Variants in TENM4 observed in about 807,000 individuals in gnomAD.
TENM4 encodes teneurin transmembrane protein 4.
A neutral mutation model predicts 243.3 loss-of-function variants in TENM4; 82 were observed. That is an observed-to-expected ratio of 0.34 (90% CI 0.28 to 0.40). The LOEUF (loss-of-function observed/expected upper bound fraction) is 0.40, where lower values mean the gene tolerates loss of function less well. Ranked by LOEUF, TENM4 falls within the 10% of genes least tolerant of loss-of-function variation. TENM4 has a pLI of 1.00. For synonymous variants in TENM4, 1,412 were observed against 1,456.3 expected, an observed-to-expected ratio of 0.97 and a Z score of 0.69; for missense variants, 3,138 against 3,673.3, an observed-to-expected ratio of 0.85 and a Z score of 3.77.
chr11:79,147,235 A>G (rs982807148), intron 4 of TENM4, among the ~76,000 whole-genome samples: 1 of 152,050 alleles, frequency 6.6e-6, no homozygotes, highest in African/African-American at 2.4e-5. Flanking sequence ...CTCTCATCCA[A>G]CACTCACCAC....
intron 1 of TENM4, among the ~76,000 whole-genome samples, chr11:79,373,148 A>G (rs1019092822): frequency 2.6e-5 from 4 of 152,266 alleles, no homozygotes; most frequent in African/African-American, 9.6e-5. Context: ...ATACAACAGT[A>G]TCTGATAAAC....
At chr11:79,072,214 G>A (rs1475374861) in intron 4 of TENM4, among the ~76,000 whole-genome samples, 1 of 152,136 alleles carries the variant, frequency 6.6e-6, no homozygotes, top group Non-Finnish European at 1.5e-5. Flanking sequence ...GCCAGGCATG[G>A]GGTGGCTCAC....
chr11:78,683,306 C>T lies in TENM4; in HGVS notation c.5260+4748G>A, dbSNP rs1395207298. On this transcript the variant is annotated intron_variant, in intron 29 of 33. Coordinates refer to ENST00000278550, the MANE Select transcript of TENM4 (RefSeq NM_001098816.3). ...CTCCTTGAGCTGTGGTGGGCTCCAC[C>T]CAGTTCGAGCTTCGCGGCTGCTTTG... Among the ~76,000 whole-genome samples the T allele has an allele frequency of 2.8e-5, 2 of 71,654 alleles. 1 individual carries two copies. Among genetic ancestry groups the T allele is most frequent in the African/African-American group, 1.5e-4 (2 of 13,176 alleles). The allele number at this position is 71,654 out of a possible 152,430, so 47.0% of individuals were successfully genotyped here.
chr11:78,784,050 G>A (rs980798331), intron 16 of TENM4, among the ~76,000 whole-genome samples: 2 of 152,124 alleles, frequency 1.3e-5, no homozygotes, highest in Non-Finnish European at 1.5e-5. Context: ...TAGAGGTCTC[G>A]AAATCAGTGT....
chr11:78,880,099 T>C (rs1859391518), intron 9 of TENM4, among the ~76,000 whole-genome samples: 1 of 152,242 alleles, frequency 6.6e-6, no homozygotes, highest in South Asian at 2.1e-4. Flanking sequence ...CTCCATTTTG[T>C]TCTGTACTAA....
intron 4 of TENM4, among the ~76,000 whole-genome samples, chr11:79,123,759 A>G (rs530826181): frequency 2.2e-4 from 33 of 152,262 alleles, no homozygotes; most frequent in African/African-American, 7.7e-4. Context: ...CCTTCAGGCC[A>G]TTCTCTAGGA....
chr11:79,335,312 T>C (rs515923), intron 1 of TENM4, among the ~76,000 whole-genome samples: 54,288 of 152,136 alleles, frequency 0.36, 9,884 homozygotes, highest in South Asian at 0.55. Context: ...ATAACTGCCA[T>C]GCTCAAAGAG....
chr11:79,017,544 G>C (rs1281474478), intron 6 of TENM4, among the ~76,000 whole-genome samples: 1 of 152,154 alleles, frequency 6.6e-6, no homozygotes, highest in Non-Finnish European at 1.5e-5. Context: ...AAAACAAAAA[G>C]TGGTTATCTA....
intron 15 of TENM4, among the ~76,000 whole-genome samples, chr11:78,802,319 A>T (rs1039826542): frequency 4.6e-5 from 7 of 152,258 alleles, no homozygotes; most frequent in Non-Finnish European, 7.3e-5. Context: ...TAACCCGCTG[A>T]GGCAGGTACT....
intron 4 of TENM4, among the ~76,000 whole-genome samples, chr11:79,139,922 A>G (rs1474248916): frequency 2.7e-5 from 4 of 149,126 alleles, no homozygotes; most frequent in Non-Finnish European, 4.4e-5. Context: ...GAGTGCTATA[A>G]TACAAAATTT....
In TENM4 at chr11:79,347,820, C is replaced by T. The variant is rs547077694; in HGVS notation, c.-320-50277G>A. On this transcript the variant is annotated intron_variant, in intron 1 of 33. Transcript: ENST00000278550. ...CGGAGTCTCGCTCTGTCGCCCAGAC[C>T]GGACTGCGGACTGCAGTGGCGCAAT... Among the ~76,000 whole-genome samples the T allele has an allele frequency of 7.9e-5, 11 of 138,800 alleles. No homozygotes were observed. In the East Asian group the frequency reaches 1.9e-3, roughly 24 times the overall value. The allele number at this position is 138,800 out of a possible 152,430, so 91.1% of individuals were successfully genotyped here. A position where few individuals can be genotyped will look rare whatever the true frequency, so the allele number is the denominator to read the frequency against.
At chr11:79,314,150 GAGCTACTTAGCCTCTCCA>G (rs1319872395) in intron 1 of TENM4, among the ~76,000 whole-genome samples, 2 of 152,158 alleles carry the variant, frequency 1.3e-5, no homozygotes, top group African/African-American at 2.4e-5. Context: ...GGCCTTGCAA[GAGCTACTTAGCCTCTCCA>G]AGCCTCCGTT....
intron 12 of TENM4, 101 bp downstream of exon 12, chr11:78,854,003 G>T: frequency 8.2e-7 from 1 of 1,213,638 alleles, no homozygotes; most frequent in South Asian, 1.5e-5. Flanking sequence ...GCCATCCACA[G>T]CTCTGACATC....
At chr11:78,777,960 C>T (rs544959004) in intron 17 of TENM4, among the ~76,000 whole-genome samples, 1 of 152,270 alleles carries the variant, frequency 6.6e-6, no homozygotes, top group Admixed American at 6.5e-5. Flanking sequence ...ATTACTTTGC[C>T]TCTAGGGAAC....
intron 2 of TENM4, among the ~76,000 whole-genome samples, chr11:79,264,377 C>T (rs1855848808): frequency 6.6e-6 from 1 of 152,254 alleles, no homozygotes; most frequent in Admixed American, 6.5e-5. Flanking sequence ...AATTATAAGG[C>T]ATTTACAAAA....
At chr11:79,015,109 G>C (rs1217223216) in intron 6 of TENM4, among the ~76,000 whole-genome samples, 1 of 152,226 alleles carries the variant, frequency 6.6e-6, no homozygotes, top group Non-Finnish European at 1.5e-5. Flanking sequence ...AAGAAGTGCA[G>C]CACAGTAATG....
intron 6 of TENM4, among the ~76,000 whole-genome samples, chr11:78,989,204 A>C (rs1857984900): frequency 6.6e-6 from 1 of 152,182 alleles, no homozygotes; most frequent in Admixed American, 6.5e-5. Flanking sequence ...TCCTCCTTAC[A>C]CGTTATTATT....
At chr11:78,805,532 C>A (rs777933954) in intron 14 of TENM4, 40 bp from the exon 15 acceptor site, 3 of 1,547,150 alleles carry the variant, frequency 1.9e-6, no homozygotes, top group East Asian at 4.9e-5. Context: ...AAGCATCTGA[C>A]CAGCAAAGGT....
intron 12 of TENM4, among the ~76,000 whole-genome samples, chr11:78,822,927 G>T (rs1351331367): frequency 6.6e-6 from 1 of 152,186 alleles, no homozygotes; most frequent in Non-Finnish European, 1.5e-5. Flanking sequence ...CCTCCCTGCG[G>T]TTCCTGAGAT....
Sources: allele counts gnomAD v4.1 joint callset (sites outside exome capture counted in the v4.1 genomes callset), GRCh38; gene constraint gnomAD v4.1.1; transcripts MANE v1.5; gene names NCBI Gene and HGNC (gene_info 2026-07-23, HGNC 2026-07-21).